STS: variants seen among roughly 807,000 people sequenced by gnomAD.
The protein encoded by STS is steroid sulfatase.
A neutral mutation model predicts 26.8 loss-of-function variants in STS; 7 were observed. The observed-to-expected ratio is 0.26, with a 90% confidence interval of 0.15 to 0.49. The LOEUF (loss-of-function observed/expected upper bound fraction) is 0.49. STS is among the 20% of genes least tolerant of loss of function. The probability of loss-of-function intolerance (pLI) is 0.98; values close to 1 mark genes in which losing one functional copy is unlikely to be tolerated. For synonymous variants in STS, 199 were observed against 189.4 expected (o/e 1.05, Z -0.42); for missense variants, 434 against 465.6 (o/e 0.93, Z 0.63).
rs189712460 is a variant in STS, at chrX:7,163,623, T to G, written c.-134+15540T>G. ...TTCTCAGCCCACAGGACTTTACCACTTCTTTTCAAATCTTGCCTTCAGAAA... is the reference window on the plus strand; with the variant it reads ...TTCTCAGCCCACAGGACTTTACCACGTCTTTTCAAATCTTGCCTTCAGAAA... On this transcript the variant is annotated intron_variant, in intron 1 of 10. Transcript: ENST00000674429. 4.1e-3 allele frequency among the ~76,000 whole-genome samples: 464 copies of G among 112,543 alleles called. 4 individuals are homozygous for G. The highest frequency in any genetic ancestry group is 0.014 in the African/African-American group (447 of 31,015).
intron 2 of STS, among the ~76,000 whole-genome samples, chrX:7,233,154 C>A (rs1320145348): frequency 1.1e-5 from 1 of 91,510 alleles, no homozygotes; most frequent in Non-Finnish European, 2.0e-5. Context: ...AGTGTAATGG[C>A]GCGATCTTGG....
At chrX:7,337,993 G>T (rs1928111501) in intron 10 of STS, among the ~76,000 whole-genome samples, 1 of 111,657 alleles carries the variant, frequency 9.0e-6, no homozygotes, top group African/African-American at 3.3e-5. Flanking sequence ...TATATATAAT[G>T]TCTTCGCTAT....
chrX:7,268,241 CA>C (rs1477643025), intron 6 of STS, among the ~76,000 whole-genome samples: 2 of 112,237 alleles, frequency 1.8e-5, no homozygotes, highest in African/African-American at 6.5e-5. Context: ...CTTGTGTAAT[CA>C]TAATTCCCTA....
intron 1 of STS, among the ~76,000 whole-genome samples, chrX:7,171,736 G>A (rs1023043154): frequency 6.3e-5 from 7 of 111,472 alleles, no homozygotes; most frequent in Non-Finnish European, 1.1e-4. Context: ...AGCATCACCC[G>A]GTACAATAGT....
At chrX:7,237,114 T>C (rs188645390) in intron 2 of STS, among the ~76,000 whole-genome samples, 2 of 109,647 alleles carry the variant, frequency 1.8e-5, no homozygotes, top group African/African-American at 6.6e-5. Context: ...TATTATGTGA[T>C]TGCATAAGGA....
In STS at chrX:7,283,863, G is replaced by C. The variant is rs149715940; in HGVS notation, c.943+7776G>C. Among the ~76,000 whole-genome samples the C allele has an allele frequency of 8.4e-4, 93 of 111,161 alleles. No individual in the cohort carries two copies. The East Asian group carries it at 0.021, about 26-fold the overall frequency. On this transcript the variant is annotated intron_variant, in intron 7 of 10. Transcript: ENST00000674429. The stretch of plus-strand genomic sequence containing the variant: ...GGTGTTGGAAGGCTGGGGCAGAGTG[G>C]AAGTGTTTATATTCCAGAGGTTGAA...
At chrX:7,266,552 G>C (rs1924017231) in intron 6 of STS, among the ~76,000 whole-genome samples, 1 of 111,928 alleles carries the variant, frequency 8.9e-6, no homozygotes, top group Non-Finnish European at 1.9e-5. Context: ...TTATCTGGGG[G>C]AGATGCTTCT....
At chrX:7,211,209 A>C (rs1410449776) in intron 2 of STS, among the ~76,000 whole-genome samples, 1 of 111,822 alleles carries the variant, frequency 8.9e-6, no homozygotes, top group African/African-American at 3.3e-5. Flanking sequence ...CATAGCACAC[A>C]GTGGCTGGCA....
intron 2 of STS, among the ~76,000 whole-genome samples, chrX:7,209,853 C>G (rs1016529095): frequency 9.1e-6 from 1 of 110,465 alleles, no homozygotes; most frequent in Non-Finnish European, 1.9e-5. Context: ...TCAACTCCCA[C>G]TTATGAGTGA....
chrX:7,285,026 CTGATGATGGTGGTAATTATGATGATAG>C (rs1480677975), intron 7 of STS, among the ~76,000 whole-genome samples: 1 of 110,046 alleles, frequency 9.1e-6, no homozygotes, highest in Non-Finnish European at 1.9e-5. Context: ...GATGGCGATG[CTGATGATGGTGGTAATTATGATGATAG>C]TGATGATGGT....
chrX:7,225,334 G>A (rs893666062), intron 2 of STS, among the ~76,000 whole-genome samples: 1 of 111,443 alleles, frequency 9.0e-6, no homozygotes, highest in Admixed American at 9.6e-5. Flanking sequence ...AGTGCATAGT[G>A]GGGCTCATGG....
At chrX:7,214,037 A>C (rs759215441) in intron 2 of STS, among the ~76,000 whole-genome samples, 3 of 111,774 alleles carry the variant, frequency 2.7e-5, no homozygotes, top group Non-Finnish European at 3.8e-5. Flanking sequence ...GCAGTGAGCT[A>C]TGATCTCACC....
chrX:7,153,513 C>G (rs1267939265), intron 1 of STS, among the ~76,000 whole-genome samples: 1 of 99,624 alleles, frequency 1.0e-5, no homozygotes, highest in Non-Finnish European at 2.0e-5. Flanking sequence ...CTCCTCCACT[C>G]TCTCCTTCCT....
intron 7 of STS, among the ~76,000 whole-genome samples, chrX:7,281,052 G>A (rs751305166): frequency 8.1e-5 from 9 of 111,134 alleles, no homozygotes; most frequent in Non-Finnish European, 1.1e-4. Context: ...TGTAATCCCA[G>A]CTACTTGGGA....
chrX:7,259,750 G>A lies in STS; in HGVS notation c.784G>A (p.Glu262Lys). 1 of 1,211,113 alleles carries A rather than the reference G, an allele frequency of 8.3e-7. No homozygotes were observed. The highest frequency in any genetic ancestry group is 1.1e-6 in the Non-Finnish European group (1 of 895,453). Residue 262 changes from glutamate (E) to lysine (K), a missense_variant, in exon 6 of 11, where the codon GAG (glutamate) becomes AAG (lysine). Coordinates refer to ENST00000674429, the MANE Select transcript of STS (RefSeq NM_001320752.2). Reference sequence around the variant, plus strand: ...CAATCTCACCCAGAGGCTAACGGTGGAGGCGGCCCAGTTCATACAGCGGTG... The same window carrying A: ...CAATCTCACCCAGAGGCTAACGGTGAAGGCGGCCCAGTTCATACAGCGGTG... The part of the protein sequence containing the change: ...YDNLTQRLTV[E>K]AAQFIQRNTE...
chrX:7,331,372 C>G (rs1325856146), intron 9 of STS, among the ~76,000 whole-genome samples: 1 of 111,385 alleles, frequency 9.0e-6, no homozygotes, highest in Non-Finnish European at 1.9e-5. Flanking sequence ...ATAATTTCAC[C>G]TTCCAAATTA....
At chrX:7,305,242 T>C in intron 8 of STS, 59 bp downstream of exon 8, 14 of 1,190,441 alleles carry the variant, frequency 1.2e-5, no homozygotes, top group Non-Finnish European at 1.5e-5. Flanking sequence ...GGTCACTTTT[T>C]TCTTGATTTT....
intron 7 of STS, among the ~76,000 whole-genome samples, chrX:7,292,300 C>A (rs1301600245): frequency 2.7e-5 from 3 of 112,543 alleles, no homozygotes; most frequent in Non-Finnish European, 5.6e-5. Flanking sequence ...GGGGATGCAT[C>A]TGTACAAAAC....
chrX:7,241,379 A>G, intron 2 of STS, among the ~76,000 whole-genome samples: 1 of 111,543 alleles, frequency 9.0e-6, no homozygotes, highest in Non-Finnish European at 1.9e-5. Flanking sequence ...TAGAGCCTGA[A>G]TTTTGCTCTA....
Sources: allele counts gnomAD v4.1 joint callset (sites outside exome capture counted in the v4.1 genomes callset), GRCh38; gene constraint gnomAD v4.1.1; transcripts MANE v1.5; gene names NCBI Gene and HGNC (gene_info 2026-07-23, HGNC 2026-07-21).